The following PCNX2 variants were observed in gnomAD, a reference collection of about 807,000 sequenced individuals.
The protein encoded by PCNX2 is pecanex 2.
In PCNX2, 168 loss-of-function variants were observed where a neutral mutation model predicts 223.8. The observed-to-expected ratio is 0.75, with a 90% CI of 0.66 to 0.85. The LOEUF (loss-of-function observed/expected upper bound fraction) is 0.85. Among genes scored for constraint, PCNX2 ranks in the 40% least tolerant of loss-of-function variants. The pLI is 0.00. For synonymous variants in PCNX2, 1,006 were observed against 1,052.6 expected, an observed-to-expected ratio of 0.96 and a Z score of 0.86; for missense variants, 2,507 against 2,675.5, an observed-to-expected ratio of 0.94 and a Z score of 1.39.
At chr1:233,246,629 C>T (rs1384896623) in intron 8 of PCNX2, among the ~76,000 whole-genome samples, 2 of 152,196 alleles carry the variant, frequency 1.3e-5, no homozygotes, top group Non-Finnish European at 1.5e-5. Context: ...GAAAGTGCCT[C>T]GTTCAGGGCC....
chr1:233,152,885 A>G (rs1677901150), intron 19 of PCNX2, among the ~76,000 whole-genome samples: 1 of 152,156 alleles, frequency 6.6e-6, no homozygotes, highest in Non-Finnish European at 1.5e-5. Flanking sequence ...TCTTCGATTG[A>G]TTTTATATTT....
intron 28 of PCNX2, among the ~76,000 whole-genome samples, chr1:233,011,298 T>G (rs770009208): frequency 3.3e-5 from 5 of 152,134 alleles, no homozygotes; most frequent in Admixed American, 1.3e-4. Context: ...AGAAGAAGAA[T>G]AATATCACCC....
At chr1:233,008,369 A>G (rs1670356837) in intron 28 of PCNX2, among the ~76,000 whole-genome samples, 1 of 152,204 alleles carries the variant, frequency 6.6e-6, no homozygotes, top group Admixed American at 6.5e-5. Context: ...ATGGACCTAC[A>G]GGGTTGGAGG....
At chr1:233,017,314 CTTTTTT>C (rs57419971) in intron 26 of PCNX2, among the ~76,000 whole-genome samples, 160 bp from the exon 27 acceptor site, 2 of 81,952 alleles carry the variant, frequency 2.4e-5, no homozygotes. Context: ...CTAAAATGTC[CTTTTTT>C]TTTTTTTTTT....
chr1:233,279,347 C>T (rs1287731766), intron 1 of PCNX2, among the ~76,000 whole-genome samples: 4 of 150,790 alleles, frequency 2.7e-5, no homozygotes, highest in Admixed American at 2.0e-4. Context: ...CCCAAGTAGC[C>T]GGGATTACAG....
At chr1:233,024,666 G>A (rs1250460911) in intron 26 of PCNX2, among the ~76,000 whole-genome samples, 1 of 152,222 alleles carries the variant, frequency 6.6e-6, no homozygotes, top group East Asian at 1.9e-4. Context: ...TAGTCTCCAT[G>A]TGAGTTAGGG....
At chr1:233,010,292 C>A (rs1670422362) in intron 28 of PCNX2, among the ~76,000 whole-genome samples, 1 of 152,234 alleles carries the variant, frequency 6.6e-6, no homozygotes, top group African/African-American at 2.4e-5. Context: ...TGACCTCAGA[C>A]CACAACAGTG....
intron 19 of PCNX2, among the ~76,000 whole-genome samples, chr1:233,145,993 A>T (rs2477860): frequency 4.6e-5 from 7 of 151,970 alleles, no homozygotes; most frequent in Admixed American, 1.3e-4. Flanking sequence ...AAGCTTTTTG[A>T]GCACTGACAT....
chr1:233,029,348 T>C (rs1671188406), intron 25 of PCNX2, among the ~76,000 whole-genome samples: 1 of 152,226 alleles, frequency 6.6e-6, no homozygotes, highest in South Asian at 2.1e-4. Context: ...ATGTTATTTG[T>C]ATTATTGTTG....
At chr1:233,097,486 C>T (rs1053470653) in intron 21 of PCNX2, among the ~76,000 whole-genome samples, 1 of 152,110 alleles carries the variant, frequency 6.6e-6, no homozygotes, top group Non-Finnish European at 1.5e-5. Context: ...TTTACTCTTA[C>T]TCACTTGCAT....
At position 233,250,819 on chromosome 1, in the gene PCNX2, G is replaced by A. The variant is rs889781281; in HGVS notation, c.2142C>T (p.Ser714=). 6.3e-7 allele frequency: 1 copy of A among 1,590,952 alleles called. No homozygotes were observed. The highest frequency in any genetic ancestry group is 8.6e-7 in the Non-Finnish European group (1 of 1,167,532). The change falls in exon 8 of 34, where the codon TCC becomes TCT. Residue 714 remains serine (S), a synonymous_variant. Transcript: ENST00000258229. The part of the protein sequence containing the change: ...VFIDEHGEIR[S]CYLKSGNQKE... ...TCTGATTTCCAGATTTTAAATAACAGGATCTAATTTCCCCTGTAAAATCAG... is the reference window on the plus strand; with the variant it reads ...TCTGATTTCCAGATTTTAAATAACAAGATCTAATTTCCCCTGTAAAATCAG...
chr1:233,190,457 C>T (rs973609332), intron 15 of PCNX2, among the ~76,000 whole-genome samples: 3 of 152,180 alleles, frequency 2.0e-5, no homozygotes, highest in Non-Finnish European at 4.4e-5. Context: ...AAACTCAGGA[C>T]GTACAAAGGA....
intron 8 of PCNX2, among the ~76,000 whole-genome samples, chr1:233,238,213 C>A (rs866242872): frequency 6.6e-6 from 1 of 152,310 alleles, no homozygotes; most frequent in Middle Eastern, 3.4e-3. Context: ...TAGCCCAAAT[C>A]ACACTGTCTA....
intron 25 of PCNX2, among the ~76,000 whole-genome samples, chr1:233,026,322 C>T (rs539972933): frequency 7.2e-5 from 11 of 152,176 alleles, no homozygotes; most frequent in East Asian, 3.9e-4. Context: ...TAGAGCAGCA[C>T]GAAAGTCTAT....
chr1:233,282,448 C>T (rs11588896), intron 1 of PCNX2, among the ~76,000 whole-genome samples: 13,323 of 152,194 alleles, frequency 0.088, 712 homozygotes, highest in South Asian at 0.17. Context: ...AAAGGAAACT[C>T]CAAACTACTA....
At chr1:233,268,901 G>A (rs1225979470) in intron 1 of PCNX2, among the ~76,000 whole-genome samples, 1 of 152,130 alleles carries the variant, frequency 6.6e-6, no homozygotes, top group African/African-American at 2.4e-5. Flanking sequence ...CTCAGGAGCT[G>A]GTTGGGCCAA....
intron 8 of PCNX2, among the ~76,000 whole-genome samples, chr1:233,242,897 G>A (rs1658862384): frequency 6.6e-6 from 1 of 152,172 alleles, no homozygotes; most frequent in Admixed American, 6.5e-5. Flanking sequence ...TACTCAAGTG[G>A]ATTTATCCTC....
chr1:233,157,421 T>C (rs1298028806), intron 19 of PCNX2, among the ~76,000 whole-genome samples: 2 of 152,184 alleles, frequency 1.3e-5, no homozygotes, highest in Non-Finnish European at 2.9e-5. Flanking sequence ...TATCTTACTG[T>C]TCCAGTTGAT....
chr1:232,989,467 C>G (rs1423962378), intron 32 of PCNX2, among the ~76,000 whole-genome samples: 1 of 151,540 alleles, frequency 6.6e-6, no homozygotes, highest in African/African-American at 2.4e-5. Flanking sequence ...AAAAAAAAAA[C>G]TGCTCACTCT....
Sources: gnomAD v4.1 joint callset for allele counts (sites outside exome capture counted in the v4.1 genomes callset) on GRCh38, gnomAD v4.1.1 for gene constraint, MANE v1.5 for transcripts, NCBI Gene and HGNC (gene_info 2026-07-23, HGNC 2026-07-21) for gene names.